The following KRT14 variants were observed in gnomAD, a reference collection of about 807,000 sequenced individuals.
KRT14 encodes keratin, type I cytoskeletal 14.
KRT14 carries 30 observed loss-of-function variants against 44.5 expected under a neutral mutation model. The ratio of observed to expected loss-of-function variants is 0.67; its 90% CI spans 0.50 to 0.92. KRT14 has a LOEUF of 0.92. Ranked by LOEUF, KRT14 falls within the 40% of genes least tolerant of loss-of-function variation. KRT14 has a pLI of 0.00. For missense variants in KRT14, 535 were observed against 640.6 expected (o/e 0.84, Z 1.78); for synonymous variants, 241 against 257.6 (o/e 0.94, Z 0.62).
At position 41,582,508 on chromosome 17, in the gene KRT14, C is replaced by A. The variant is rs867293223; in HGVS notation, c.1346G>T (p.Arg449Leu). 60 of 1,568,658 alleles carry A rather than the reference C, an allele frequency of 3.8e-5. No individual in the cohort carries two copies. Among genetic ancestry groups the A allele is most frequent in the Admixed American group, 1.9e-4 (10 of 53,006 alleles). ...ATCGTGCACATCCATGACCTTGGTG[C>A]GGATTTGGCGGCTGGAGGAGGTCAC... is the stretch of plus-strand genomic sequence containing the variant. Reference protein sequence around the residue: ...RDVTSSSRQIRTKVMDVHDGK... With the variant: ...RDVTSSSRQILTKVMDVHDGK... Residue 449 changes from arginine to leucine, a missense_variant, in exon 8 of 8, where the codon CGC becomes CTC. Arg to Leu is a moderately radical substitution (Grantham distance 102). Transcript: ENST00000167586.
chr17:41,586,211 T>C, intron 1 of KRT14, 99 bp downstream of exon 1: 1 of 1,485,620 alleles, frequency 6.7e-7, no homozygotes, highest in Non-Finnish European at 9.4e-7. Flanking sequence ...GGGTGGACTC[T>C]GTCCTATAGA....
chr17:41,584,225 C>T (rs1907448879), intron 3 of KRT14, 32 bp downstream of exon 3: 1 of 1,612,902 alleles, frequency 6.2e-7, no homozygotes, highest in African/African-American at 1.3e-5. Context: ...CCCTGCATTT[C>T]TTTTAAGCTG....
intron 1 of KRT14, 66 bp downstream of exon 1, chr17:41,586,244 C>T (rs2144585708): frequency 6.2e-7 from 1 of 1,600,590 alleles, no homozygotes; most frequent in South Asian, 1.1e-5. Context: ...TCTCAGGGGC[C>T]TGGGGCATGA....
At position 41,583,549 on chromosome 17, in the gene KRT14, A is replaced by G; in HGVS notation, c.1053+2T>C. 1 of 1,613,942 alleles carries G rather than the reference A, an allele frequency of 6.2e-7. No homozygotes were observed. Among genetic ancestry groups the G allele is most frequent in the Non-Finnish European group, 8.5e-7 (1 of 1,179,968 alleles). On this transcript the variant is annotated splice_donor_variant, in intron 5 of 7. Coordinates refer to ENST00000167586, the MANE Select transcript of KRT14 (RefSeq NM_000526.5). LOFTEE classifies it high-confidence loss of function. ...CACCACCCTTCCTGGCACTATTCCTACCATGCTGAGCTGGGACTGCAGCTC... is the reference window on the plus strand; with the variant it reads ...CACCACCCTTCCTGGCACTATTCCTGCCATGCTGAGCTGGGACTGCAGCTC...
chr17:41,583,815 T>G lies in KRT14; in HGVS notation c.872A>C (p.Tyr291Ser). The G allele has an allele frequency of 6.2e-7, 1 of 1,614,230 alleles. No individual in the cohort carries two copies. The highest frequency in any genetic ancestry group is 8.5e-7 in the Non-Finnish European group (1 of 1,180,034). The stretch of plus-strand genomic sequence containing the variant: ...GCGGTTCTTCTCTGCCATCTTCTCA[T>G]ACTGGTCACGCATCTCGTTCAGAAT... ...SRILNEMRDQ[Y>S]EKMAEKNRKD... Residue 291 changes from tyrosine (Y) to serine (S), a missense_variant, in exon 4 of 8, where the codon TAT (tyrosine) becomes TCT (serine). Tyr to Ser is a moderately radical substitution (Grantham distance 144). Transcript: ENST00000167586.
chr17:41,584,290 C>T lies in KRT14; in HGVS notation c.732G>A (p.Glu244=), dbSNP rs748715702. Residue 244 remains glutamate, a synonymous_variant, in exon 3 of 8, where the codon GAG becomes GAA. Transcript: ENST00000167586. ...GGTTCTTCTTCAGGTAGGCCAGCTC[C>T]TCCTTCAGGCTCTCAATCTGCATCT... ...DLEMQIESLK[E]ELAYLKKNHE... is the part of the protein sequence containing the mutation. The T allele has an allele frequency of 6.2e-7, 1 of 1,613,932 alleles. No individual in the cohort carries two copies. The highest frequency in any genetic ancestry group is 8.5e-7 in the Non-Finnish European group (1 of 1,179,986).
In KRT14 at chr17:41,584,323, A is replaced by T. The variant is rs1466941254; in HGVS notation, c.699T>A (p.Ala233=). 1.2e-6 allele frequency: 2 copies of T among 1,614,004 alleles called. No individual in the cohort carries two copies. The highest frequency in any genetic ancestry group is 2.2e-5 in the South Asian group (2 of 91,074). ...RVLDELTLAR[A]DLEMQIESLK... ...GGCTCTCAATCTGCATCTCCAGGTC[A>T]GCTCTGGCCAGGGTCAGTTCGTCCA... The change falls in exon 3 of 8, where the codon GCT becomes GCA. Residue 233 remains alanine (A), a synonymous_variant. Coordinates refer to ENST00000167586, the MANE Select transcript of KRT14 (RefSeq NM_000526.5).
At chr17:41,583,718 A>C (rs372673327) in intron 4 of KRT14, 42 bp from the exon 5 acceptor site, 46 of 1,614,136 alleles carry the variant, frequency 2.8e-5, no homozygotes, top group Non-Finnish European at 3.8e-5. Context: ...AGGCCCCAGA[A>C]GGCAGGTGGT....
rs575743698 is a variant in KRT14, at chr17:41,583,209, G to A, written c.1274+26C>T. On this transcript the variant is annotated intron_variant, in intron 6 of 7. Coordinates refer to ENST00000167586, the MANE Select transcript of KRT14 (RefSeq NM_000526.5). Reference sequence around the variant, plus strand: ...GCCGTGAGAGTGCCATGGGGGGGGCGGACTAAGGGGAGGGCCAAGACTCAC... The same window carrying A: ...GCCGTGAGAGTGCCATGGGGGGGGCAGACTAAGGGGAGGGCCAAGACTCAC... 164 of 1,612,506 alleles carry A rather than the reference G, an allele frequency of 1.0e-4. No homozygotes were observed. The South Asian group carries it at 1.1e-3, about 11-fold the overall frequency.
chr17:41,583,714 C>G (rs1248559557), intron 4 of KRT14, 38 bp from the exon 5 acceptor site: 1 of 1,614,144 alleles, frequency 6.2e-7, no homozygotes, highest in East Asian at 2.2e-5. Context: ...CAGAAGGCCC[C>G]AGAAGGCAGG....
In KRT14 at chr17:41,586,423, C is replaced by A; in HGVS notation, c.412G>T (p.Glu138Ter). 6.2e-7 allele frequency: 1 copy of A among 1,614,122 alleles called. No individual in the cohort carries two copies. Among genetic ancestry groups the A allele is most frequent in the Non-Finnish European group, 8.5e-7 (1 of 1,180,018 alleles). ...SYLDKVRALE[E>*]ANADLEVKIR... Reference sequence around the variant, plus strand: ...TTCACTTCCAGGTCGGCGTTGGCCTCCTCCAGAGCACGCACCTTGTCCAGG... The same window carrying A: ...TTCACTTCCAGGTCGGCGTTGGCCTACTCCAGAGCACGCACCTTGTCCAGG... The change falls in exon 1 of 8, where the codon GAG becomes TAG. Residue 138 changes from glutamate (E) to a stop codon, truncating the protein, a stop_gained. Transcript: ENST00000167586. LOFTEE classifies it high-confidence loss of function.
chr17:41,586,426 C>A lies in KRT14; in HGVS notation c.409G>T (p.Glu137Ter). 6.2e-7 allele frequency: 1 copy of A among 1,614,146 alleles called. No individual in the cohort carries two copies. The highest frequency in any genetic ancestry group is 1.3e-5 in the African/African-American group (1 of 75,048). ...ACTTCCAGGTCGGCGTTGGCCTCCT[C>A]CAGAGCACGCACCTTGTCCAGGTAG... is the stretch of plus-strand genomic sequence containing the variant. ...ASYLDKVRAL[E>*]EANADLEVKI... Residue 137 changes from glutamate (E) to a stop codon, truncating the protein, a stop_gained, in exon 1 of 8, where the codon GAG becomes TAG. Transcript: ENST00000167586. LOFTEE classifies it high-confidence loss of function.
At chr17:41,584,084 T>C (rs1279290625) in intron 3 of KRT14, among the ~76,000 whole-genome samples, 163 bp from the exon 4 acceptor site, 7 of 139,446 alleles carry the variant, frequency 5.0e-5, no homozygotes, top group South Asian at 4.9e-4. Context: ...TTTTTTTTTT[T>C]TTTTTTTTTT....
In KRT14 at chr17:41,583,595, T is replaced by G. The variant is rs1454078077; in HGVS notation, c.1009A>C (p.Thr337Pro). 6.2e-7 allele frequency: 1 copy of G among 1,614,216 alleles called. No individual in the cohort carries two copies. Among genetic ancestry groups the G allele is most frequent in the Admixed American group, 1.7e-5 (1 of 60,026 alleles). ...AGCTCAATCTCCAGGTTCTGCATGGTGCGCCGGAGCTCCGAGATCTCGCTC... is the reference window on the plus strand; with the variant it reads ...AGCTCAATCTCCAGGTTCTGCATGGGGCGCCGGAGCTCCGAGATCTCGCTC... The part of the protein sequence containing the change: ...GKSEISELRR[T>P]MQNLEIELQS... Residue 337 changes from threonine to proline, a missense_variant, in exon 5 of 8, where the codon ACC (threonine) becomes CCC (proline). Coordinates refer to ENST00000167586, the MANE Select transcript of KRT14 (RefSeq NM_000526.5).
chr17:41,583,031 T>G (rs1907383535), intron 7 of KRT14, 63 bp downstream of exon 7: 3 of 1,521,096 alleles, frequency 2.0e-6, no homozygotes, highest in Admixed American at 1.7e-5. Context: ...AGCCAATGCC[T>G]AGACCTGCTT....
chr17:41,583,767 A>G lies in KRT14; in HGVS notation c.920T>C (p.Phe307Ser), dbSNP rs2144583001. The G allele has an allele frequency of 1.9e-6, 3 of 1,614,244 alleles. No homozygotes were observed. The East Asian group carries it at 6.7e-5, about 36-fold the overall frequency. ...KNRKDAEEWFFTKTEELNREV... is the reference protein window; with the variant it reads ...KNRKDAEEWFSTKTEELNREV... Reference sequence around the variant, plus strand: ...ACCTCAAATGACACCCACCTTGGTGAAGAACCATTCCTCGGCATCCTTGCG... The same window carrying G: ...ACCTCAAATGACACCCACCTTGGTGGAGAACCATTCCTCGGCATCCTTGCG... Residue 307 changes from phenylalanine to serine, a missense_variant, in exon 4 of 8, where the codon TTC becomes TCC. Coordinates refer to ENST00000167586, the MANE Select transcript of KRT14 (RefSeq NM_000526.5).
intron 7 of KRT14, chr17:41,582,847 A>C (rs892947097): frequency 8.2e-6 from 5 of 606,668 alleles, no homozygotes; most frequent in Middle Eastern, 4.4e-4. Flanking sequence ...GGCCCTGTTC[A>C]TGGTGCTGAC....
chr17:41,585,786 A>C (rs1258491979), intron 1 of KRT14, among the ~76,000 whole-genome samples: 1 of 152,236 alleles, frequency 6.6e-6, no homozygotes, highest in Non-Finnish European at 1.5e-5. Flanking sequence ...TTGTCTCTGC[A>C]GGCTCTCCAT....
At position 41,586,484 on chromosome 17, in the gene KRT14, C is replaced by A. The variant is rs781247658; in HGVS notation, c.351G>T (p.Val117=). 6.2e-7 allele frequency: 1 copy of A among 1,614,036 alleles called. No homozygotes were observed. The highest frequency in any genetic ancestry group is 1.3e-5 in the African/African-American group (1 of 74,902). ...GDGLLVGSEK[V]TMQNLNDRLA... is the part of the protein sequence containing the mutation. ...GGCGGTCATTGAGGTTCTGCATGGT[C>A]ACCTTCTCACTGCCCACCAGAAGCC... Residue 117 remains valine, a synonymous_variant, in exon 1 of 8, where the codon GTG becomes GTT. Coordinates refer to ENST00000167586, the MANE Select transcript of KRT14 (RefSeq NM_000526.5).
Sources: allele counts gnomAD v4.1 joint callset (sites outside exome capture counted in the v4.1 genomes callset), GRCh38; gene constraint gnomAD v4.1.1; transcripts MANE v1.5; gene names NCBI Gene and HGNC (gene_info 2026-07-23, HGNC 2026-07-21).